The following SNCAIP variants were observed in gnomAD, a reference collection of about 807,000 sequenced individuals.
The protein encoded by SNCAIP is synphilin-1.
SNCAIP carries 43 observed loss-of-function variants against 86.7 expected under a neutral mutation model. That is an observed-to-expected ratio of 0.50 (90% CI 0.39 to 0.64). The LOEUF (loss-of-function observed/expected upper bound fraction) is 0.64, where lower values mean the gene tolerates loss of function less well. SNCAIP is among the 30% of genes least tolerant of loss of function. The probability of loss-of-function intolerance (pLI) is 0.00; values close to 1 mark genes in which losing one functional copy is unlikely to be tolerated. For synonymous variants in SNCAIP, 417 were observed against 427.2 expected, an observed-to-expected ratio of 0.98 and a Z score of 0.29; for missense variants, 981 against 1,103.1, an observed-to-expected ratio of 0.89 and a Z score of 1.57.
At chr5:122,320,396 A>C (rs531509308) in intron 1 of SNCAIP, among the ~76,000 whole-genome samples, 3 of 152,300 alleles carry the variant, frequency 2.0e-5, no homozygotes, top group Non-Finnish European at 4.4e-5. Flanking sequence ...TCTGTCCTCT[A>C]AGTTGCGGTC....
At chr5:122,334,575 A>G (rs1756041057) in intron 1 of SNCAIP, among the ~76,000 whole-genome samples, 3 of 152,252 alleles carry the variant, frequency 2.0e-5, no homozygotes, top group Admixed American at 2.0e-4. Flanking sequence ...CGACTAGCAC[A>G]GGTTCTTGTC....
chr5:122,364,635 T>C (rs1053243591), intron 1 of SNCAIP, among the ~76,000 whole-genome samples: 1 of 152,288 alleles, frequency 6.6e-6, no homozygotes, highest in Non-Finnish European at 1.5e-5. Flanking sequence ...TGAAGTCATT[T>C]GCACTACGTG....
chr5:122,317,230 T>G (rs904545165), intron 1 of SNCAIP, among the ~76,000 whole-genome samples: 1 of 152,180 alleles, frequency 6.6e-6, no homozygotes, highest in East Asian at 1.9e-4. Context: ...GACACAGTTG[T>G]CTTTCATCCT....
At chr5:122,355,473 A>G (rs1225174217) in intron 1 of SNCAIP, among the ~76,000 whole-genome samples, 1 of 152,172 alleles carries the variant, frequency 6.6e-6, no homozygotes, top group Non-Finnish European at 1.5e-5. Context: ...TGAGGCAAAA[A>G]TTGTGTCTAG....
intron 2 of SNCAIP, among the ~76,000 whole-genome samples, chr5:122,395,156 G>A (rs1271880600): frequency 6.6e-6 from 1 of 152,148 alleles, no homozygotes; most frequent in Non-Finnish European, 1.5e-5. Context: ...ACCAGCTAAT[G>A]AGAACTTAAG....
intron 2 of SNCAIP, among the ~76,000 whole-genome samples, chr5:122,393,310 A>G (rs1196760192): frequency 6.6e-6 from 1 of 152,198 alleles, no homozygotes; most frequent in African/African-American, 2.4e-5. Context: ...AACATTTACC[A>G]TGGGACAGGC....
At chr5:122,401,096 C>G (rs1771720040) in intron 2 of SNCAIP, 1 of 1,549,866 alleles carries the variant, frequency 6.5e-7, no homozygotes, top group Non-Finnish European at 8.7e-7. Context: ...TAGTTGCTGC[C>G]CTGGGAGCTT....
chr5:122,395,969 T>G (rs1208874789), intron 2 of SNCAIP, among the ~76,000 whole-genome samples: 1 of 151,988 alleles, frequency 6.6e-6, no homozygotes. Context: ...AATCCCTTTT[T>G]CACTGTCTCT....
At chr5:122,403,947 C>T in intron 3 of SNCAIP, 82 bp downstream of exon 3, 1 of 1,004,500 alleles carries the variant, frequency 1.0e-6, no homozygotes, top group South Asian at 1.3e-5. Flanking sequence ...TCACACTGGT[C>T]CCCCCTGCTT....
intron 3 of SNCAIP, among the ~76,000 whole-genome samples, chr5:122,419,398 A>G (rs562972215): frequency 3.0e-4 from 45 of 152,324 alleles, no homozygotes; most frequent in African/African-American, 1.0e-3. Context: ...AGATCCGAAG[A>G]GATAATTGTG....
Position 122,327,973 on chromosome 5 carries a change from A to G in SNCAIP, c.-47+15689A>G, listed in dbSNP as rs78612811. Reference sequence around the variant, plus strand: ...GAAAAGTCTCATGTGATTTAGGGTTAAAGGCCAAGTGGGTATTCACTAGGC... The same window carrying G: ...GAAAAGTCTCATGTGATTTAGGGTTGAAGGCCAAGTGGGTATTCACTAGGC... On this transcript the variant is annotated intron_variant, in intron 1 of 10. Transcript: ENST00000261368. 8.1e-4 allele frequency among the ~76,000 whole-genome samples: 123 copies of G among 152,318 alleles called. 2 individuals carry two copies. In the East Asian group the frequency reaches 0.023, roughly 28 times the overall value.
chr5:122,368,877 T>C (rs1463704065), intron 1 of SNCAIP, among the ~76,000 whole-genome samples: 2 of 152,282 alleles, frequency 1.3e-5, no homozygotes, highest in Middle Eastern at 3.4e-3. Context: ...TCAGAGAGAA[T>C]TGAAAATAGC....
chr5:122,448,652 T>A (rs61501611), intron 8 of SNCAIP, among the ~76,000 whole-genome samples: 4,566 of 126,952 alleles, frequency 0.036, 266 homozygotes, highest in African/African-American at 0.13. Flanking sequence ...ATATATATTT[T>A]TATATATATT....
rs1197659131 is a variant in SNCAIP at position 122,440,095 on chromosome 5, C to T, written c.1297-534C>T. 4.6e-5 allele frequency among the ~76,000 whole-genome samples: 7 copies of T among 152,174 alleles called. No individual in the cohort carries two copies. The East Asian group carries it at 9.6e-4, about 21-fold the overall frequency. Reference sequence around the variant, plus strand: ...ACTTATCTTACACTTGGCAACTTAACGTATTTACCTGTTTTTTATAAGCCT... The same window carrying T: ...ACTTATCTTACACTTGGCAACTTAATGTATTTACCTGTTTTTTATAAGCCT... On this transcript the variant is annotated intron_variant, in intron 6 of 10. Coordinates refer to ENST00000261368, the MANE Select transcript of SNCAIP (RefSeq NM_005460.4).
At chr5:122,427,266 A>G (rs1187970770) in intron 5 of SNCAIP, among the ~76,000 whole-genome samples, 1 of 152,192 alleles carries the variant, frequency 6.6e-6, no homozygotes, top group Non-Finnish European at 1.5e-5. Flanking sequence ...GCCAATCTTC[A>G]GCATAAACAC....
chr5:122,325,195 C>T (rs957256189), intron 1 of SNCAIP, among the ~76,000 whole-genome samples: 10 of 152,176 alleles, frequency 6.6e-5, no homozygotes, highest in African/African-American at 1.9e-4. Flanking sequence ...CTTTCTCCAC[C>T]TGCTCTGTGT....
chr5:122,446,891 G>A (rs1476455166), intron 8 of SNCAIP, among the ~76,000 whole-genome samples: 1 of 152,134 alleles, frequency 6.6e-6, no homozygotes, highest in Non-Finnish European at 1.5e-5. Flanking sequence ...ATTTAGAAAT[G>A]GCAACCTTCA....
intron 1 of SNCAIP, among the ~76,000 whole-genome samples, chr5:122,350,804 G>C (rs947677207): frequency 1.3e-5 from 2 of 152,198 alleles, no homozygotes; most frequent in Non-Finnish European, 2.9e-5. Flanking sequence ...TGGAATGAAA[G>C]AAAGGTACAG....
At chr5:122,400,686 G>A (rs1771613646) in intron 2 of SNCAIP, among the ~76,000 whole-genome samples, 3 of 152,184 alleles carry the variant, frequency 2.0e-5, no homozygotes, top group South Asian at 4.1e-4. Context: ...GCATTTGCCT[G>A]GCTAGAGGAG....
Sources: gnomAD v4.1 joint callset for allele counts (sites outside exome capture counted in the v4.1 genomes callset) on GRCh38, gnomAD v4.1.1 for gene constraint, MANE v1.5 for transcripts, NCBI Gene and HGNC (gene_info 2026-07-23, HGNC 2026-07-21) for gene names.